TFCP2L1: variants seen among roughly 807,000 people sequenced by gnomAD.
TFCP2L1 encodes the protein transcription factor CP2 like 1.
Under a neutral mutation model 72.2 loss-of-function variants are expected in TFCP2L1, and 12 were observed. That is an observed-to-expected ratio of 0.17 (90% CI 0.11 to 0.27). TFCP2L1 has a LOEUF of 0.27. Ranked by LOEUF, TFCP2L1 falls within the 10% of genes least tolerant of loss-of-function variation. The pLI is 1.00. For synonymous variants in TFCP2L1, 260 were observed against 251.0 expected (o/e 1.04, Z -0.34); for missense variants, 488 against 624.6 (o/e 0.78, Z 2.33).
chr2:121,264,731 G>A (rs982967765), intron 2 of TFCP2L1, among the ~76,000 whole-genome samples: 4 of 152,128 alleles, frequency 2.6e-5, no homozygotes, highest in South Asian at 2.1e-4. Context: ...CGTGCGCTTC[G>A]GGGGCCCAGC....
rs75063184 is a variant in TFCP2L1, at chr2:121,249,513, C to T, written c.291+58G>A. On this transcript the variant is annotated intron_variant, in intron 3 of 14. Coordinates refer to ENST00000263707, the MANE Select transcript of TFCP2L1 (RefSeq NM_014553.3). ...TGCCCAACCCCAGCAAGCCCAGGTGCCCAGACCCTAATCAAGCCCCTCTCC... is the reference window on the plus strand; with the variant it reads ...TGCCCAACCCCAGCAAGCCCAGGTGTCCAGACCCTAATCAAGCCCCTCTCC... 1.5e-3 allele frequency: 2,282 copies of T among 1,570,152 alleles called. 33 individuals carry two copies. The African/African-American group carries it at 0.027, about 19-fold the overall frequency.
At chr2:121,237,145 C>T (rs1371160876) in intron 10 of TFCP2L1, among the ~76,000 whole-genome samples, 5 of 101,256 alleles carry the variant, frequency 4.9e-5, no homozygotes, top group African/African-American at 1.6e-4. Context: ...TAGCTTGGGA[C>T]TTCTGTCTGA....
In TFCP2L1 at chr2:121,223,697, GGGTTCCGCAGCAGC is replaced by G; in HGVS notation, c.*630_*643del. The stretch of plus-strand genomic sequence containing the variant: ...AGTGCAGAGACAGGAGCACATCTTT[GGGTTCCGCAGCAGC>G]AGATCCTTAGAAACAACGTAGAGAA... On this transcript the variant is annotated 3_prime_UTR_variant, in exon 15 of 15. Coordinates refer to ENST00000263707, the MANE Select transcript of TFCP2L1 (RefSeq NM_014553.3). The G allele has an allele frequency of 6.5e-6, 1 of 154,330 alleles. No individual in the cohort carries two copies. The highest frequency in any genetic ancestry group is 6.4e-5 in the Admixed American group (1 of 15,708). The allele number at this position is 154,330 out of a possible 1,614,324, so 9.6% of individuals were successfully genotyped here.
chr2:121,240,630 G>A (rs1454421109), intron 7 of TFCP2L1: 33 of 985,316 alleles, frequency 3.3e-5, no homozygotes, highest in Non-Finnish European at 4.0e-5. Flanking sequence ...GACCTGGCAT[G>A]TGGCTCACCA....
chr2:121,270,875 C>A (rs1687033055), intron 2 of TFCP2L1, among the ~76,000 whole-genome samples: 1 of 136,748 alleles, frequency 7.3e-6, no homozygotes, highest in South Asian at 2.3e-4. Context: ...TCTCTAAACA[C>A]ACTTTTTTTT....
intron 1 of TFCP2L1, among the ~76,000 whole-genome samples, chr2:121,283,545 C>T (rs911814605): frequency 2.0e-5 from 3 of 152,174 alleles, no homozygotes; most frequent in Admixed American, 6.5e-5. Context: ...CCTCCTTTCA[C>T]CAAATCCTAA....
chr2:121,223,850 G>A lies in TFCP2L1; in HGVS notation c.*491C>T. ...GGAAGCAAACCTGAAACAGGAGAAT[G>A]AGGGCAAACTGCTCCCATCAAGTCG... On this transcript the variant is annotated 3_prime_UTR_variant, in exon 15 of 15. Coordinates refer to ENST00000263707, the MANE Select transcript of TFCP2L1 (RefSeq NM_014553.3). The A allele has an allele frequency of 6.0e-6, 1 of 165,324 alleles. No homozygotes were observed. Among genetic ancestry groups the A allele is most frequent in the East Asian group, 1.7e-4 (1 of 5,962 alleles). 10.2% of individuals were successfully genotyped at this position (165,324 alleles called of 1,614,324 possible). A position where few individuals can be genotyped will look rare whatever the true frequency, so the allele number is the denominator to read the frequency against.
chr2:121,250,460 A>AAT (rs371402612), intron 2 of TFCP2L1, among the ~76,000 whole-genome samples: 56 of 151,014 alleles, frequency 3.7e-4, no homozygotes, highest in African/African-American at 1.1e-3. Flanking sequence ...TATCTCAAAA[A>AAT]ATATATATAT....
chr2:121,274,508 A>G (rs928530452), intron 2 of TFCP2L1, among the ~76,000 whole-genome samples: 4 of 152,222 alleles, frequency 2.6e-5, no homozygotes, highest in Admixed American at 1.3e-4. Context: ...TATATGAAAC[A>G]TAAGTGAATT....
At chr2:121,239,943 T>C (rs1686331283) in intron 7 of TFCP2L1, 1 of 707,982 alleles carries the variant, frequency 1.4e-6, no homozygotes, top group South Asian at 6.3e-5. Flanking sequence ...AGTCATGTGA[T>C]TCTTGGGTCC....
intron 13 of TFCP2L1, among the ~76,000 whole-genome samples, chr2:121,231,454 G>A (rs1240499535): frequency 3.9e-5 from 6 of 152,122 alleles, no homozygotes; most frequent in Non-Finnish European, 5.9e-5. Flanking sequence ...CCACAGCCTC[G>A]CCAACACCTG....
At chr2:121,245,832 G>GTC (rs1016114200) in intron 6 of TFCP2L1, among the ~76,000 whole-genome samples, 2 of 152,130 alleles carry the variant, frequency 1.3e-5, no homozygotes, top group African/African-American at 2.4e-5. Context: ...CCAAGCATGG[G>GTC]TCTTCCACAG....
chr2:121,284,661 G>C (rs1198058150), intron 1 of TFCP2L1, among the ~76,000 whole-genome samples: 1 of 152,206 alleles, frequency 6.6e-6, no homozygotes, highest in East Asian at 1.9e-4. Flanking sequence ...TCCCCGGGCC[G>C]GGCACCAGGC....
intron 2 of TFCP2L1, among the ~76,000 whole-genome samples, 183 bp from the exon 3 acceptor site, chr2:121,249,830 C>G (rs1686569246): frequency 6.6e-6 from 1 of 152,258 alleles, no homozygotes; most frequent in South Asian, 2.1e-4. Flanking sequence ...AGTCTGTCCA[C>G]CCCGCCAGGT....
intron 2 of TFCP2L1, among the ~76,000 whole-genome samples, chr2:121,257,416 AGCCACACAAACGG>A (rs2104722502): frequency 6.6e-6 from 1 of 152,284 alleles, no homozygotes; most frequent in East Asian, 1.9e-4. Context: ...AAGGGCCCTG[AGCCACACAAACGG>A]GTGTGGAAAC....
At chr2:121,255,380 G>A (rs186191603) in intron 2 of TFCP2L1, among the ~76,000 whole-genome samples, 1 of 152,238 alleles carries the variant, frequency 6.6e-6, no homozygotes, top group East Asian at 1.9e-4. Flanking sequence ...GGGGGAGGGG[G>A]TGAGAGGGAG....
At chr2:121,226,393 G>A (rs2104656761) in intron 13 of TFCP2L1, among the ~76,000 whole-genome samples, 1 of 151,878 alleles carries the variant, frequency 6.6e-6, no homozygotes, top group Middle Eastern at 3.4e-3. Context: ...ATGTTTGTTT[G>A]CACTATTTTT....
chr2:121,248,019 TTC>T, intron 5 of TFCP2L1, 143 bp downstream of exon 5: 1 of 614,460 alleles, frequency 1.6e-6, no homozygotes. Context: ...GCAACACTCA[TTC>T]TCTCTCTCCT....
chr2:121,267,695 G>A (rs1005424903), intron 2 of TFCP2L1, among the ~76,000 whole-genome samples: 4 of 152,110 alleles, frequency 2.6e-5, no homozygotes, highest in East Asian at 1.9e-4. Context: ...GGGTTTCACC[G>A]TGTTAGCCAG....
Sources: allele counts gnomAD v4.1 joint callset (sites outside exome capture counted in the v4.1 genomes callset), GRCh38; gene constraint gnomAD v4.1.1; transcripts MANE v1.5; gene names NCBI Gene and HGNC (gene_info 2026-07-23, HGNC 2026-07-21).